Variants in PPP2R3A observed in about 807,000 individuals in gnomAD.
The protein encoded by PPP2R3A is protein phosphatase 2 regulatory subunit B''alpha.
In PPP2R3A, 80 loss-of-function variants were observed where a neutral mutation model predicts 106.9. That is an observed-to-expected ratio of 0.75 (90% CI 0.62 to 0.90). PPP2R3A has a LOEUF of 0.90. Among genes scored for constraint, PPP2R3A ranks in the 40% least tolerant of loss-of-function variants. The pLI is 0.00. For synonymous variants in PPP2R3A, 483 were observed against 468.3 expected (o/e 1.03, Z -0.41); for missense variants, 1,386 against 1,350.4 (o/e 1.03, Z -0.41).
At chr3:135,986,155 C>T (rs1314826281) in intron 1 of PPP2R3A, among the ~76,000 whole-genome samples, 1 of 152,036 alleles carries the variant, frequency 6.6e-6, no homozygotes, top group African/African-American at 2.4e-5. Flanking sequence ...GGGGAGAGTT[C>T]AGTTTCCATT....
intron 4 of PPP2R3A, among the ~76,000 whole-genome samples, chr3:136,042,948 A>C (rs1935335922): frequency 6.6e-6 from 1 of 151,024 alleles, no homozygotes; most frequent in African/African-American, 2.4e-5. Context: ...TTGACCTTGG[A>C]GAAGACGTGT....
chr3:136,135,375 G>A (rs188223831), intron 13 of PPP2R3A, among the ~76,000 whole-genome samples: 4 of 152,292 alleles, frequency 2.6e-5, no homozygotes, highest in East Asian at 3.9e-4. Flanking sequence ...GAAAAAGCCC[G>A]TTTACAGGAA....
At chr3:135,975,585 G>A (rs1937396133) in intron 1 of PPP2R3A, among the ~76,000 whole-genome samples, 2 of 152,146 alleles carry the variant, frequency 1.3e-5, no homozygotes. Flanking sequence ...TCAGATAGTA[G>A]TAATAGTGCT....
At chr3:136,113,204 C>T (rs569477265) in intron 13 of PPP2R3A, among the ~76,000 whole-genome samples, 862 of 1,900 alleles carry the variant, frequency 0.45, 7 homozygotes, top group African/African-American at 0.47. Context: ...CATCACACTA[C>T]CCAATTCAAA....
intron 13 of PPP2R3A, among the ~76,000 whole-genome samples, chr3:136,109,947 CAGA>C (rs765903219): frequency 2.2e-4 from 33 of 151,892 alleles, no homozygotes; most frequent in African/African-American, 2.9e-4. Flanking sequence ...AGAAGAAGAC[CAGA>C]AGAAGATGTG....
At chr3:136,015,701 CTCT>C (rs1341650000) in intron 2 of PPP2R3A, among the ~76,000 whole-genome samples, 24 of 151,716 alleles carry the variant, frequency 1.6e-4, no homozygotes, top group African/African-American at 5.6e-4. Flanking sequence ...TGGATCGTCT[CTCT>C]TCTTTTCTCG....
chr3:135,997,306 T>TC (rs1480044441), intron 1 of PPP2R3A, among the ~76,000 whole-genome samples: 1 of 152,194 alleles, frequency 6.6e-6, no homozygotes, highest in Non-Finnish European at 1.5e-5. Flanking sequence ...CTTAGTAACA[T>TC]CCAGTGCTAG....
chr3:135,987,649 C>CT (rs1932975175), intron 1 of PPP2R3A, among the ~76,000 whole-genome samples: 1 of 152,016 alleles, frequency 6.6e-6, no homozygotes, highest in Non-Finnish European at 1.5e-5. Context: ...ACATAAGAGA[C>CT]CTATGGAGAA....
At chr3:136,006,312 A>G (rs1332601779) in intron 2 of PPP2R3A, among the ~76,000 whole-genome samples, 2 of 152,250 alleles carry the variant, frequency 1.3e-5, no homozygotes, top group African/African-American at 4.8e-5. Context: ...AAAATGTTTA[A>G]TTCAGGAAGA....
chr3:136,057,080 A>C (rs77538428), intron 5 of PPP2R3A, among the ~76,000 whole-genome samples: 5,165 of 136,810 alleles, frequency 0.038, 246 homozygotes, highest in African/African-American at 0.12. Flanking sequence ...CCCCCCCCAC[A>C]CACACCGTTG....
Position 136,147,641 on chromosome 3 carries a change from G to A in PPP2R3A, c.*2475G>A, listed in dbSNP as rs1421575764. The stretch of plus-strand genomic sequence containing the variant: ...CCAGGCCCCTTGATAAAAGCTGAGG[G>A]TTATCATGACCTTAATGCTAATTCA... On this transcript the variant is annotated 3_prime_UTR_variant, in exon 14 of 14. Coordinates refer to ENST00000264977, the MANE Select transcript of PPP2R3A (RefSeq NM_002718.5). 2 of 152,496 alleles carry A rather than the reference G, an allele frequency of 1.3e-5. No homozygotes were observed. The highest frequency in any genetic ancestry group is 2.9e-5 in the Non-Finnish European group (2 of 68,022). 9.4% of individuals were successfully genotyped at this position (152,496 alleles called of 1,614,324 possible). A position where few individuals can be genotyped will look rare whatever the true frequency, so the allele number is the denominator to read the frequency against.
chr3:136,103,072 A>C (rs1937419878), intron 11 of PPP2R3A, among the ~76,000 whole-genome samples, 186 bp from the exon 12 acceptor site: 1 of 152,234 alleles, frequency 6.6e-6, no homozygotes, highest in African/African-American at 2.4e-5. Flanking sequence ...ATTTTACCTC[A>C]ATAAAAGAAA....
At chr3:135,976,416 C>T (rs1937422521) in intron 1 of PPP2R3A, among the ~76,000 whole-genome samples, 1 of 152,176 alleles carries the variant, frequency 6.6e-6, no homozygotes. Flanking sequence ...GAGCATTTGG[C>T]AGAGTTGCTG....
Position 136,078,382 on chromosome 3 carries a change from T to C in PPP2R3A, c.2560T>C (p.Phe854Leu). 1.2e-6 allele frequency: 2 copies of C among 1,607,446 alleles called. No homozygotes were observed. The highest frequency in any genetic ancestry group is 1.1e-5 in the South Asian group (1 of 89,944). ...RYITTVIQRIFYTVNRSWSGK... is the reference protein window; with the variant it reads ...RYITTVIQRILYTVNRSWSGK... ...TTGGAACCAGGTTATTCAGAGAATA[T>C]TCTACACAGTCAACAGATCTTGGAG... The change falls in exon 7 of 14, where the codon TTC becomes CTC. Residue 854 changes from phenylalanine to leucine, a missense_variant. Transcript: ENST00000264977.
rs576753711 is a variant in PPP2R3A at position 136,139,380 on chromosome 3, T to C, written c.3330-5663T>C. On this transcript the variant is annotated intron_variant, in intron 13 of 13. Transcript: ENST00000264977. The stretch of plus-strand genomic sequence containing the variant: ...TTACATGAACCACCATATCCCCTCA[T>C]GCTAACAAAACTATGTTAGAGAATT... Among the ~76,000 whole-genome samples the C allele has an allele frequency of 5.3e-5, 8 of 152,164 alleles. No individual in the cohort carries two copies. In the South Asian group the frequency reaches 1.7e-3, roughly 32 times the overall value.
chr3:136,111,454 T>G (rs1046246759), intron 13 of PPP2R3A, among the ~76,000 whole-genome samples: 4 of 152,170 alleles, frequency 2.6e-5, no homozygotes, highest in African/African-American at 9.6e-5. Flanking sequence ...TGAAAGTACA[T>G]TAATCAGCAT....
At chr3:136,123,764 C>A (rs1938083394) in intron 13 of PPP2R3A, among the ~76,000 whole-genome samples, 3 of 152,110 alleles carry the variant, frequency 2.0e-5, no homozygotes, top group Admixed American at 2.0e-4. Flanking sequence ...ATAAAAATTT[C>A]CAGACTTGAA....
intron 2 of PPP2R3A, among the ~76,000 whole-genome samples, chr3:136,020,497 T>C (rs1458161631): frequency 6.6e-6 from 1 of 152,136 alleles, no homozygotes; most frequent in Non-Finnish European, 1.5e-5. Context: ...CCTTCTAAAC[T>C]TCAGTGATTT....
At chr3:135,999,736 G>A (rs1051155577) in intron 1 of PPP2R3A, among the ~76,000 whole-genome samples, 3 of 151,968 alleles carry the variant, frequency 2.0e-5, no homozygotes, top group East Asian at 1.9e-4. Flanking sequence ...AAGATGACTC[G>A]TGAAAAGTTC....
Sources: gnomAD v4.1 joint callset for allele counts (sites outside exome capture counted in the v4.1 genomes callset) on GRCh38, gnomAD v4.1.1 for gene constraint, MANE v1.5 for transcripts, NCBI Gene and HGNC (gene_info 2026-07-23, HGNC 2026-07-21) for gene names.